Variants in SYN1 observed in about 807,000 individuals in gnomAD.
The protein encoded by SYN1 is synapsin-1.
SYN1 carries 8 observed loss-of-function variants against 44.6 expected under a neutral mutation model. The observed-to-expected ratio is 0.18, with a 90% CI of 0.11 to 0.32. The LOEUF is 0.32. Among genes scored for constraint, SYN1 ranks in the 10% least tolerant of loss-of-function variants. SYN1 has a pLI of 1.00. For synonymous variants in SYN1, 275 were observed against 280.1 expected (o/e 0.98, Z 0.18); for missense variants, 451 against 639.4 (o/e 0.71, Z 3.18).
chrX:47,575,378 C>T, intron 9 of SYN1, 104 bp from the exon 10 acceptor site: 1 of 977,785 alleles, frequency 1.0e-6, no homozygotes. Context: ...CCGCTGAGCC[C>T]CAGTGTCTGA....
At chrX:47,579,545 C>G (rs1299835685) in intron 5 of SYN1, among the ~76,000 whole-genome samples, 1 of 110,602 alleles carries the variant, frequency 9.0e-6, no homozygotes, top group African/African-American at 3.3e-5. Context: ...CATCCAGCTC[C>G]CCAGATGGTC....
In SYN1 at chrX:47,574,986, TTTA is replaced by T. The variant is rs2057772958; in HGVS notation, c.1305+139_1305+141del. On this transcript the variant is annotated intron_variant, in intron 10 of 12. Transcript: ENST00000295987. ...CAGGGCAGCAGCTGCTTATCAATGTTTTAAACAATTGGCAATCGCAGCCACATG... is the reference window on the plus strand; with the variant it reads ...CAGGGCAGCAGCTGCTTATCAATGTTAACAATTGGCAATCGCAGCCACATG... 5 of 932,217 alleles carry T rather than the reference TTTA, an allele frequency of 5.4e-6. No homozygotes were observed. The East Asian group carries it at 1.7e-4, about 32-fold the overall frequency. 76.8% of individuals were successfully genotyped at this position (932,217 alleles called of 1,213,427 possible).
chrX:47,613,530 T>G (rs1239859076), intron 1 of SYN1, among the ~76,000 whole-genome samples: 2 of 111,559 alleles, frequency 1.8e-5, no homozygotes, highest in Non-Finnish European at 3.8e-5. Flanking sequence ...ACTGGAATAT[T>G]CCATATTTGA....
chrX:47,608,599 C>T (rs1014242275), intron 1 of SYN1, among the ~76,000 whole-genome samples: 8 of 109,728 alleles, frequency 7.3e-5, no homozygotes, highest in African/African-American at 2.7e-4. Flanking sequence ...TGATGGGGGG[C>T]AGGGAGGAAT....
In SYN1 at chrX:47,580,185, C is replaced by CT. The variant is rs749909509; in HGVS notation, c.775-2685dup. ...TCTGTAAAAAGACTTTAGAACAGTG[C>CT]TTTTTTTTTTTTTTTTAAATAGAGA... On this transcript the variant is annotated intron_variant, in intron 5 of 12. Transcript: ENST00000295987. Among the ~76,000 whole-genome samples the CT allele has an allele frequency of 2.9e-3, 257 of 88,879 alleles. 2 individuals carry two copies. Among genetic ancestry groups the CT allele is most frequent in the East Asian group, 6.5e-3 (18 of 2,769 alleles). 77.2% of individuals were successfully genotyped at this position (88,879 alleles called of 115,157 possible).
intron 5 of SYN1, among the ~76,000 whole-genome samples, chrX:47,580,224 T>C (rs1381561859): frequency 2.0e-5 from 2 of 101,758 alleles, no homozygotes; most frequent in African/African-American, 7.1e-5. Flanking sequence ...GGTTTCACCA[T>C]GTTGCCCAGA....
chrX:47,612,720 T>C (rs1398157278), intron 1 of SYN1, among the ~76,000 whole-genome samples: 1 of 111,773 alleles, frequency 8.9e-6, no homozygotes, highest in Non-Finnish European at 1.9e-5. Flanking sequence ...TATCCACTTA[T>C]GGGCAGTGGT....
In SYN1 at chrX:47,574,327, A is replaced by G. The variant is rs1165799072; in HGVS notation, c.1657T>C (p.Ser553Pro). Residue 553 changes from serine to proline, a missense_variant, in exon 12 of 13, where the codon TCT (serine) becomes CCT (proline). By Grantham distance (74) the Ser-to-Pro change is moderately conservative (BLOSUM62 -1). Around this residue, in one of 3 missense-constraint regions of SYN1, gnomAD observed 127 missense variants for 154.8 expected, o/e 0.82. Transcript: ENST00000295987. Reference protein sequence around the residue: ...PPAARPPASPSPQRQAGPPQA... With the variant: ...PPAARPPASPPPQRQAGPPQA... ...GGGGGGCCCGCCTGGCGCTGGGGAG[A>G]CGGAGAGGCGGGCGGGCGGGCTGCT... 1.9e-6 allele frequency: 2 copies of G among 1,056,734 alleles called. No individual in the cohort carries two copies. Among genetic ancestry groups the G allele is most frequent in the African/African-American group, 2.0e-5 (1 of 49,492 alleles). 87.1% of individuals were successfully genotyped at this position (1,056,734 alleles called of 1,213,427 possible).
chrX:47,576,774 C>A, intron 6 of SYN1, 134 bp from the exon 7 acceptor site: 1 of 838,460 alleles, frequency 1.2e-6, no homozygotes, highest in Non-Finnish European at 1.7e-6. Context: ...CATGCCAAGG[C>A]GCTCAAGCAG....
intron 5 of SYN1, among the ~76,000 whole-genome samples, chrX:47,594,805 G>T (rs1271159794): frequency 9.4e-6 from 1 of 106,542 alleles, no homozygotes; most frequent in Non-Finnish European, 1.9e-5. Context: ...TCAGCTCACC[G>T]CAACCTCCGT....
rs141695458 is a variant in SYN1, at chrX:47,582,892, C to A, written c.775-5391G>T. ...TTTGCCCTCAAATTCCTCAAGTATC[C>A]CCATTGCCTTAAGCCCCCAAATTCC... On this transcript the variant is annotated intron_variant, in intron 5 of 12. Transcript: ENST00000295987. Among the ~76,000 whole-genome samples the A allele has an allele frequency of 3.9e-3, 368 of 95,248 alleles. 7 individuals carry two copies. The highest frequency in any genetic ancestry group is 0.016 in the Middle Eastern group (3 of 189). 82.7% of individuals were successfully genotyped at this position (95,248 alleles called of 115,157 possible). A position where few individuals can be genotyped will look rare whatever the true frequency, so the allele number is the denominator to read the frequency against.
intron 5 of SYN1, among the ~76,000 whole-genome samples, chrX:47,580,010 T>G (rs1264602991): frequency 9.1e-6 from 1 of 109,563 alleles, no homozygotes; most frequent in Non-Finnish European, 1.9e-5. Flanking sequence ...AAGTTAGTTA[T>G]TTTGGGAAAA....
At chrX:47,615,920 G>T (rs1320393743) in intron 1 of SYN1, among the ~76,000 whole-genome samples, 1 of 111,290 alleles carries the variant, frequency 9.0e-6, no homozygotes, top group Non-Finnish European at 1.9e-5. Context: ...AAAAACACAG[G>T]ACAAAATTAC....
chrX:47,574,014 T>A lies in SYN1; in HGVS notation c.1970A>T (p.His657Leu), dbSNP rs992542097. 2.6e-6 allele frequency: 3 copies of A among 1,140,792 alleles called. No homozygotes were observed. The African/African-American group carries it at 5.5e-5, about 21-fold the overall frequency. The allele number at this position is 1,140,792 out of a possible 1,213,427, so 94.0% of individuals were successfully genotyped here. ...GGGGTCCCCTTACTTGAGCTGGGGG[T>A]GCGGAGGTCCCCCTGCAGCGGCGGT... ...PATAAAGGPP[H>L]PQLNKSQSLT... Residue 657 changes from histidine to leucine, a missense_variant, in exon 12 of 13, where the codon CAC becomes CTC. His to Leu is a moderately conservative substitution (Grantham distance 99). Coordinates refer to ENST00000295987, the MANE Select transcript of SYN1 (RefSeq NM_006950.3).
chrX:47,582,159 G>C (rs2057800673), intron 5 of SYN1, among the ~76,000 whole-genome samples: 1 of 112,402 alleles, frequency 8.9e-6, no homozygotes, highest in Non-Finnish European at 1.9e-5. Context: ...GGGGAAATGC[G>C]GCCTCTAAGC....
chrX:47,593,428 C>A (rs2057854505), intron 5 of SYN1, among the ~76,000 whole-genome samples: 2 of 107,975 alleles, frequency 1.9e-5, no homozygotes, highest in South Asian at 8.1e-4. Context: ...ACCACCACGC[C>A]CAGCTAATTT....
intron 5 of SYN1, chrX:47,583,371 T>C: frequency 8.6e-7 from 1 of 1,167,611 alleles, no homozygotes; most frequent in Non-Finnish European, 1.1e-6. Context: ...GCAGATCAGC[T>C]GGGCCGGGGC....
intron 5 of SYN1, chrX:47,583,497 C>G (rs372229890): frequency 8.3e-7 from 1 of 1,202,462 alleles, no homozygotes; most frequent in African/African-American, 1.8e-5. Context: ...CACCTGTGTC[C>G]CACCCCACCC....
rs199611926 is a variant in SYN1, at chrX:47,606,908, C to T, written c.527+37G>A. The T allele has an allele frequency of 1.0e-5, 12 of 1,173,154 alleles. No homozygotes were observed. The East Asian group carries it at 3.6e-4, about 35-fold the overall frequency. On this transcript the variant is annotated intron_variant, in intron 3 of 12. Transcript: ENST00000295987. ...CAGCTCTAAGGGAGAGTTCTTATGC[C>T]TTGCTCATAACACCAAGGTACCCTT...
Sources: gnomAD v4.1 joint callset for allele counts (sites outside exome capture counted in the v4.1 genomes callset) on GRCh38, gnomAD v4.1.1 for gene constraint, gnomAD v4.1.1 regional missense constraint, MANE v1.5 for transcripts, NCBI Gene and HGNC (gene_info 2026-07-23, HGNC 2026-07-21) for gene names.